The following ARHGEF38 variants were observed in gnomAD, a reference collection of about 807,000 sequenced individuals.
The protein encoded by ARHGEF38 is Rho guanine nucleotide exchange factor 38.
A neutral mutation model predicts 79.9 loss-of-function variants in ARHGEF38; 79 were observed. The observed-to-expected ratio is 0.99, with a 90% CI of 0.82 to 1.19. The LOEUF (loss-of-function observed/expected upper bound fraction) is 1.19, where lower values mean the gene tolerates loss of function less well. Ranked by LOEUF, ARHGEF38 falls within the 50% of genes most tolerant of loss-of-function variation. The probability of loss-of-function intolerance (pLI) is 0.00; values close to 1 mark genes in which losing one functional copy is unlikely to be tolerated. For synonymous variants in ARHGEF38, 366 were observed against 328.3 expected, an observed-to-expected ratio of 1.11 and a Z score of -1.24; for missense variants, 962 against 907.2, an observed-to-expected ratio of 1.06 and a Z score of -0.78.
chr4:105,670,357 G>A (rs1385559743), intron 13 of ARHGEF38, among the ~76,000 whole-genome samples: 4 of 151,946 alleles, frequency 2.6e-5, no homozygotes, highest in Non-Finnish European at 5.9e-5. Context: ...GTATCTCTCT[G>A]GGGTTTTAAT....
intron 2 of ARHGEF38, among the ~76,000 whole-genome samples, chr4:105,590,122 G>GGAAA (rs1727264202): frequency 8.1e-6 from 1 of 123,046 alleles, no homozygotes; most frequent in Non-Finnish European, 1.7e-5. Flanking sequence ...AAGGAAGGAA[G>GGAAA]GAAGGAAAGA....
rs201145499 is a variant in ARHGEF38, at chr4:105,659,274, G to A, written c.1454G>A (p.Arg485Gln). The part of the protein sequence containing the change: ...EELQAFNQAA[R>Q]KILLNCLCSF... The stretch of plus-strand genomic sequence containing the variant: ...CTCCAGGCATTCAACCAGGCTGCTC[G>A]GAAGATTCTGTTGAACTGTCTATGC... The change falls in exon 10 of 14, where the codon CGG becomes CAG. Residue 485 changes from arginine to glutamine, a missense_variant. Physicochemically the swap from Arg to Gln is conservative, Grantham distance 43 (BLOSUM62 1). Transcript: ENST00000420470. 24 of 1,536,056 alleles carry A rather than the reference G, an allele frequency of 1.6e-5. No homozygotes were observed. The highest frequency in any genetic ancestry group is 2.4e-5 in the East Asian group (1 of 40,910).
At chr4:105,665,160 G>A (rs1730701702) in intron 10 of ARHGEF38, among the ~76,000 whole-genome samples, 1 of 151,666 alleles carries the variant, frequency 6.6e-6, no homozygotes, top group Non-Finnish European at 1.5e-5. Context: ...ACCTCACTGG[G>A]CTAATTTTAT....
chr4:105,571,424 G>A (rs1431757133), intron 1 of ARHGEF38, among the ~76,000 whole-genome samples: 2 of 146,926 alleles, frequency 1.4e-5, no homozygotes, highest in Admixed American at 7.0e-5. Context: ...CCAGGTTCTC[G>A]CCATTCTCCT....
rs531956773 is a variant in ARHGEF38, at chr4:105,627,903, A to C, written c.509-2995A>C. Among the ~76,000 whole-genome samples, 14 of 152,304 alleles carry C rather than the reference A, an allele frequency of 9.2e-5. No individual in the cohort carries two copies. In the East Asian group the frequency reaches 2.7e-3, roughly 29 times the overall value. On this transcript the variant is annotated intron_variant, in intron 3 of 13. Coordinates refer to ENST00000420470, the MANE Select transcript of ARHGEF38 (RefSeq NM_001242729.2). ...TTGGTAGGGCTGGGAGGGGAATAAA[A>C]TATTCTGCCTGCCAGTGTTGTACTT...
intron 1 of ARHGEF38, among the ~76,000 whole-genome samples, chr4:105,578,670 T>G (rs1726628130): frequency 6.6e-6 from 1 of 152,160 alleles, no homozygotes; most frequent in Non-Finnish European, 1.5e-5. Flanking sequence ...AAAATGACCT[T>G]TTTGTCTTTT....
At chr4:105,648,830 C>CTG in intron 7 of ARHGEF38, 148 bp downstream of exon 7, 1 of 645,186 alleles carries the variant, frequency 1.5e-6, no homozygotes, top group Non-Finnish European at 2.4e-6. Flanking sequence ...CTCTCTCTCT[C>CTG]TCTCTCTCTC....
At chr4:105,648,140 G>A (rs546428926) in intron 6 of ARHGEF38, among the ~76,000 whole-genome samples, 2 of 151,882 alleles carry the variant, frequency 1.3e-5, no homozygotes, top group African/African-American at 2.4e-5. Flanking sequence ...CGCCCACCTC[G>A]GCCTCCGAAA....
intron 12 of ARHGEF38, 21 bp from the exon 13 acceptor site, chr4:105,667,423 T>C: frequency 2.0e-6 from 3 of 1,534,734 alleles, no homozygotes; most frequent in Non-Finnish European, 2.6e-6. Flanking sequence ...TGGTTCTTCT[T>C]TCTTTTTATT....
At chr4:105,561,488 TA>T (rs1279083484) in intron 1 of ARHGEF38, 15 of 138,338 alleles carry the variant, frequency 1.1e-4, no homozygotes, top group African/African-American at 3.3e-4. Context: ...TAGAATAGAA[TA>T]GAATAGAATA....
chr4:105,651,588 T>C (rs1730107008), intron 7 of ARHGEF38, among the ~76,000 whole-genome samples: 1 of 152,212 alleles, frequency 6.6e-6, no homozygotes. Context: ...ACAACATATC[T>C]GTCACAAAGA....
Position 105,622,280 on chromosome 4 carries a change from G to A in ARHGEF38, c.509-8618G>A, listed in dbSNP as rs115028971. Among the ~76,000 whole-genome samples the A allele has an allele frequency of 3.4e-3, 525 of 152,196 alleles. 3 individuals carry two copies. The highest frequency in any genetic ancestry group is 0.011 in the African/African-American group (466 of 41,542). ...TGAGGTCAGATTTGAATGGACCTGC[G>A]AAAAGTCACATATTGCGCAGGATAC... On this transcript the variant is annotated intron_variant, in intron 3 of 13. Coordinates refer to ENST00000420470, the MANE Select transcript of ARHGEF38 (RefSeq NM_001242729.2).
intron 3 of ARHGEF38, 148 bp from the exon 4 acceptor site, chr4:105,630,750 C>T (rs1729150359): frequency 1.9e-6 from 1 of 516,800 alleles, no homozygotes; most frequent in Admixed American, 4.0e-5. Flanking sequence ...AAAAAAATCA[C>T]TCAATGTTTT....
At chr4:105,558,335 C>T (rs1264090277) in intron 1 of ARHGEF38, among the ~76,000 whole-genome samples, 1 of 152,134 alleles carries the variant, frequency 6.6e-6, no homozygotes, top group Non-Finnish European at 1.5e-5. Context: ...TGGAGTAAAA[C>T]AAATTGTCCA....
At chr4:105,660,064 C>A (rs1263264252) in intron 10 of ARHGEF38, among the ~76,000 whole-genome samples, 1 of 152,060 alleles carries the variant, frequency 6.6e-6, no homozygotes, top group Non-Finnish European at 1.5e-5. Context: ...ACACCTGGAG[C>A]AGAAATAATT....
intron 9 of ARHGEF38, among the ~76,000 whole-genome samples, chr4:105,657,181 C>T (rs1730368372): frequency 6.6e-6 from 1 of 152,142 alleles, no homozygotes; most frequent in South Asian, 2.1e-4. Flanking sequence ...AAGGTTTGCT[C>T]TTTAGCTTAG....
chr4:105,631,683 A>G (rs996000743), intron 4 of ARHGEF38: 3 of 975,106 alleles, frequency 3.1e-6, no homozygotes, highest in Non-Finnish European at 3.7e-6. Flanking sequence ...CTATTTCACT[A>G]TTAGCCCCTT....
intron 1 of ARHGEF38, among the ~76,000 whole-genome samples, chr4:105,574,437 G>A (rs1430763954): frequency 6.6e-6 from 1 of 151,728 alleles, no homozygotes; most frequent in Admixed American, 6.6e-5. Flanking sequence ...TGTAATCCCA[G>A]CTACTTGGAG....
intron 3 of ARHGEF38, among the ~76,000 whole-genome samples, chr4:105,623,328 A>G (rs1440687811): frequency 3.9e-5 from 6 of 152,234 alleles, no homozygotes; most frequent in Admixed American, 3.9e-4. Flanking sequence ...TCATTGTCAA[A>G]TGTCACTTTC....
Sources: gnomAD v4.1 joint callset for allele counts (sites outside exome capture counted in the v4.1 genomes callset) on GRCh38, gnomAD v4.1.1 for gene constraint, MANE v1.5 for transcripts, NCBI Gene and HGNC (gene_info 2026-07-23, HGNC 2026-07-21) for gene names.